Variants in SLC1A7 observed in about 807,000 individuals in gnomAD.
The protein encoded by SLC1A7 is solute carrier family 1 member 7.
Under a neutral mutation model 47.7 loss-of-function variants are expected in SLC1A7, and 40 were observed. The observed-to-expected ratio is 0.84, with a 90% CI of 0.65 to 1.09. SLC1A7 has a LOEUF of 1.09. Ranked by LOEUF, SLC1A7 falls within the 50% of genes least tolerant of loss-of-function variation. The pLI is 0.00. For synonymous variants in SLC1A7, 323 were observed against 325.6 expected (o/e 0.99, Z 0.09); for missense variants, 746 against 769.5 (o/e 0.97, Z 0.36).
At position 53,090,165 on chromosome 1, in the gene SLC1A7, A is replaced by T. The variant is rs1240870072; in HGVS notation, c.1227-231T>A. 4 of 603,764 alleles carry T rather than the reference A, an allele frequency of 6.6e-6. No homozygotes were observed. The African/African-American group carries it at 7.4e-5, about 11-fold the overall frequency. The allele number at this position is 603,764 out of a possible 1,614,324, so 37.4% of individuals were successfully genotyped here. ...AGGAGAATCCCTGGGAACTGTGCAA[A>T]CACCTGTGTCTGGAGCTGTGCCTCT... On this transcript the variant is annotated intron_variant, in intron 8 of 10. Coordinates refer to ENST00000371494, the MANE Select transcript of SLC1A7 (RefSeq NM_006671.6).
At chr1:53,095,448 C>T (rs1644474764) in intron 5 of SLC1A7, among the ~76,000 whole-genome samples, 1 of 151,456 alleles carries the variant, frequency 6.6e-6, no homozygotes. Context: ...ACTCACACAC[C>T]CCGCCTTGGT....
intron 3 of SLC1A7, among the ~76,000 whole-genome samples, chr1:53,113,453 G>A (rs1572328446): frequency 6.6e-6 from 1 of 152,080 alleles, no homozygotes; most frequent in South Asian, 2.1e-4. Flanking sequence ...ACCATCCATC[G>A]CTTGGTGACC....
intron 3 of SLC1A7, among the ~76,000 whole-genome samples, chr1:53,107,558 T>G (rs1200376581): frequency 7.8e-6 from 1 of 128,282 alleles, no homozygotes; most frequent in Admixed American, 8.7e-5. Flanking sequence ...TATGCTAAAA[T>G]GGAAAGCTGA....
At chr1:53,127,123 T>C (rs944504511) in intron 2 of SLC1A7, among the ~76,000 whole-genome samples, 1 of 138,378 alleles carries the variant, frequency 7.2e-6, no homozygotes, top group Non-Finnish European at 1.5e-5. Flanking sequence ...AAAACATCTT[T>C]AAAGTTCAGC....
intron 5 of SLC1A7, among the ~76,000 whole-genome samples, chr1:53,096,411 G>A (rs754922631): frequency 2.6e-4 from 37 of 143,754 alleles, no homozygotes; most frequent in Admixed American, 2.1e-4. Context: ...GCCTCGCCTC[G>A]GTACACTCAC....
intron 6 of SLC1A7, 36 bp downstream of exon 6, chr1:53,093,424 GC>G (rs1644447653): frequency 6.7e-7 from 1 of 1,482,498 alleles, no homozygotes; most frequent in African/African-American, 1.4e-5. Context: ...TCCACCCAGG[GC>G]TGGCCGGGGT....
intron 5 of SLC1A7, among the ~76,000 whole-genome samples, chr1:53,094,314 C>G (rs1378657527): frequency 6.6e-6 from 1 of 152,164 alleles, no homozygotes; most frequent in African/African-American, 2.4e-5. Flanking sequence ...CTCCCCAGCT[C>G]GCACACACCA....
At chr1:53,098,459 A>C (rs1644528424) in intron 5 of SLC1A7, among the ~76,000 whole-genome samples, 1 of 150,730 alleles carries the variant, frequency 6.6e-6, no homozygotes, top group Non-Finnish European at 1.5e-5. Context: ...GCCTTGGTAC[A>C]CTCACCCTGC....
In SLC1A7 at chr1:53,108,486, C is replaced by A. The variant is rs541747891; in HGVS notation, c.432-2712G>T. 5 of 691,820 alleles carry A rather than the reference C, an allele frequency of 7.2e-6. No homozygotes were observed. In the East Asian group the frequency reaches 1.1e-4, roughly 15 times the overall value. 42.9% of individuals were successfully genotyped at this position (691,820 alleles called of 1,614,324 possible). On this transcript the variant is annotated intron_variant, in intron 3 of 10. Transcript: ENST00000371494. The stretch of plus-strand genomic sequence containing the variant: ...ATTATGTTGTGGGGACCAAATGGGA[C>A]CTGCCATCAAGCTCTGATTCTCTTG...
intron 2 of SLC1A7, chr1:53,118,714 T>C (rs1161527840): frequency 1.3e-5 from 2 of 152,240 alleles, no homozygotes; most frequent in Non-Finnish European, 2.9e-5. Context: ...TAAAAATTTT[T>C]AGGCCAGGCA....
intron 4 of SLC1A7, 111 bp from the exon 5 acceptor site, chr1:53,103,679 T>C: frequency 3.2e-6 from 2 of 629,722 alleles, no homozygotes; most frequent in Non-Finnish European, 5.3e-6. Context: ...TCCTATCCTA[T>C]TTGATTGACA....
chr1:53,105,745 G>A lies in SLC1A7; in HGVS notation c.461C>T (p.Ala154Val), dbSNP rs1413551160. 1.2e-6 allele frequency: 2 copies of A among 1,613,146 alleles called. No homozygotes were observed. The highest frequency in any genetic ancestry group is 2.2e-5 in the South Asian group (2 of 91,022). ...RNMFPANLVE[A>V]TFKQYRTKTT... ...AGACTCACTCACCTGTTTGAATGTG[G>A]CTTCTACTAGGTTGGCTGGGAACAT... The change falls in exon 4 of 11, where the codon GCC becomes GTC. Residue 154 changes from alanine to valine, a missense_variant. Physicochemically the swap from Ala to Val is moderately conservative, Grantham distance 64 (BLOSUM62 0). Transcript: ENST00000371494.
At chr1:53,101,780 C>T (rs1251479788) in intron 5 of SLC1A7, among the ~76,000 whole-genome samples, 3 of 151,600 alleles carry the variant, frequency 2.0e-5, no homozygotes, top group Non-Finnish European at 2.9e-5. Context: ...TGCCTCGGTA[C>T]ACTCACACAC....
intron 5 of SLC1A7, among the ~76,000 whole-genome samples, chr1:53,096,191 CGTT>C (rs1010289884): frequency 3.3e-5 from 5 of 150,300 alleles, no homozygotes; most frequent in East Asian, 2.0e-4. Flanking sequence ...ACATGCCCCA[CGTT>C]GTTACTTTCA....
At chr1:53,130,877 G>C (rs1262720505) in intron 2 of SLC1A7, among the ~76,000 whole-genome samples, 1 of 152,092 alleles carries the variant, frequency 6.6e-6, no homozygotes, top group Non-Finnish European at 1.5e-5. Flanking sequence ...AGAGCTCAGG[G>C]GACAGTGTGG....
chr1:53,104,878 A>G (rs1274917173), intron 4 of SLC1A7, among the ~76,000 whole-genome samples: 1 of 152,266 alleles, frequency 6.6e-6, no homozygotes, highest in Non-Finnish European at 1.5e-5. Flanking sequence ...GCAAAGACTG[A>G]GCACAAGGAC....
intron 2 of SLC1A7, among the ~76,000 whole-genome samples, chr1:53,127,715 G>A (rs375405997): frequency 2.4e-4 from 36 of 152,318 alleles, no homozygotes; most frequent in African/African-American, 7.9e-4. Context: ...TATGCTGTGA[G>A]CTGCCTGTGG....
chr1:53,138,928 C>A (rs1222299393), intron 1 of SLC1A7, among the ~76,000 whole-genome samples: 1 of 152,176 alleles, frequency 6.6e-6, no homozygotes, highest in Non-Finnish European at 1.5e-5. Context: ...TCTTCACTCG[C>A]AGCTCCAGAA....
intron 3 of SLC1A7, among the ~76,000 whole-genome samples, chr1:53,106,292 CAT>C (rs1644639659): frequency 6.6e-6 from 1 of 151,874 alleles, no homozygotes; most frequent in Admixed American, 6.6e-5. Flanking sequence ...TTCTTAGTAA[CAT>C]ATTTTATTAT....
Sources: gnomAD v4.1 joint callset for allele counts (sites outside exome capture counted in the v4.1 genomes callset) on GRCh38, gnomAD v4.1.1 for gene constraint, MANE v1.5 for transcripts, NCBI Gene and HGNC (gene_info 2026-07-23, HGNC 2026-07-21) for gene names.